ADA: variants seen among roughly 807,000 people sequenced by gnomAD.
ADA encodes adenosine aminohydrolase.
In ADA, 45 loss-of-function variants were observed where a neutral mutation model predicts 49.0. That is an observed-to-expected ratio of 0.92 (90% CI 0.72 to 1.18). The LOEUF (loss-of-function observed/expected upper bound fraction) is 1.18. Among genes scored for constraint, ADA ranks in the 50% most tolerant of loss-of-function variants. ADA has a pLI of 0.00. For missense variants in ADA, 445 were observed against 472.5 expected, an observed-to-expected ratio of 0.94 and a Z score of 0.54; for synonymous variants, 173 against 184.2, an observed-to-expected ratio of 0.94 and a Z score of 0.49.
chr20:44,639,706 C>T (rs1240747451), intron 1 of ADA, among the ~76,000 whole-genome samples: 1 of 152,098 alleles, frequency 6.6e-6, no homozygotes, highest in East Asian at 1.9e-4. Flanking sequence ...AACCATCGTG[C>T]CCAGCCAACT....
chr20:44,624,442 G>A, intron 5 of ADA, 113 bp from the exon 6 acceptor site: 2 of 1,432,484 alleles, frequency 1.4e-6, no homozygotes, highest in Non-Finnish European at 1.9e-6. Flanking sequence ...ACAAAACAGG[G>A]CTCAGTGTCT....
Position 44,619,760 on chromosome 20 carries a change from A to G in ADA, c.*74T>C. 1 of 1,577,670 alleles carries G rather than the reference A, an allele frequency of 6.3e-7. No individual in the cohort carries two copies. ...AGATCATGGTCTTCTTGGAAGGAATAAATGTAAAAATGTTGCTCAGCCCCA... is the reference window on the plus strand; with the variant it reads ...AGATCATGGTCTTCTTGGAAGGAATGAATGTAAAAATGTTGCTCAGCCCCA... On this transcript the variant is annotated 3_prime_UTR_variant, in exon 12 of 12. Coordinates refer to ENST00000372874, the MANE Select transcript of ADA (RefSeq NM_000022.4).
intron 2 of ADA, 39 bp downstream of exon 2, chr20:44,636,188 C>G: frequency 6.4e-7 from 1 of 1,573,500 alleles, no homozygotes. Flanking sequence ...GGACCCCACT[C>G]AAATCCCAGG....
intron 8 of ADA, 33 bp downstream of exon 8, chr20:44,622,796 G>C (rs780717460): frequency 6.9e-5 from 111 of 1,614,020 alleles, no homozygotes; most frequent in Non-Finnish European, 9.2e-5. Context: ...GGACAGCCGG[G>C]GATGGTTCCT....
Position 44,625,589 on chromosome 20 carries a change from C to A in ADA, c.458G>T (p.Cys153Phe), listed in dbSNP as rs371028908. ...DFGVKARSIL[C>F]CMRHQPNWSP... The stretch of plus-strand genomic sequence containing the variant: ...CTCACTGGGCTGGTGGCGCATGCAG[C>A]ACAGGATGGACCGGGCCTTGACCCC... Residue 153 changes from cysteine (C) to phenylalanine (F), a missense_variant, in exon 5 of 12, where the codon TGC becomes TTC. Coordinates refer to ENST00000372874, the MANE Select transcript of ADA (RefSeq NM_000022.4). 1.3e-6 allele frequency: 2 copies of A among 1,586,236 alleles called. No individual in the cohort carries two copies. The highest frequency in any genetic ancestry group is 2.3e-5 in the East Asian group (1 of 43,754).
At chr20:44,647,343 G>A (rs535129390) in intron 1 of ADA, among the ~76,000 whole-genome samples, 1 of 152,146 alleles carries the variant, frequency 6.6e-6, no homozygotes, top group Admixed American at 6.5e-5. Flanking sequence ...GGCTGAGGCA[G>A]AAGAATCACT....
intron 6 of ADA, chr20:44,623,838 C>A (rs1177834594): frequency 2.7e-6 from 1 of 372,252 alleles, no homozygotes; most frequent in Non-Finnish European, 5.4e-6. Flanking sequence ...GCTTTGACTT[C>A]CTGGACTCAA....
intron 5 of ADA, among the ~76,000 whole-genome samples, chr20:44,625,020 G>T (rs1334652185): frequency 6.6e-6 from 1 of 152,228 alleles, no homozygotes; most frequent in Non-Finnish European, 1.5e-5. Context: ...AATCCTGAGG[G>T]TAGAGGAATG....
intron 1 of ADA, among the ~76,000 whole-genome samples, chr20:44,639,013 G>A (rs990258895): frequency 4.6e-5 from 7 of 152,210 alleles, no homozygotes; most frequent in African/African-American, 1.7e-4. Flanking sequence ...AGGGTTCATG[G>A]TACTGGAGAG....
rs1357860118 is a variant in ADA at position 44,629,166 on chromosome 20, C to T, written c.99G>A (p.Arg33=). 2 of 1,614,204 alleles carry T rather than the reference C, an allele frequency of 1.2e-6. No homozygotes were observed. The highest frequency in any genetic ancestry group is 1.7e-6 in the Non-Finnish European group (2 of 1,180,032). The change falls in exon 3 of 12, where the codon AGG becomes AGA. Residue 33 remains arginine, a synonymous_variant. Coordinates refer to ENST00000372874, the MANE Select transcript of ADA (RefSeq NM_000022.4). The part of the protein sequence containing the change: ...KPETILYYGR[R]RGIALPANTA... ...TGTTAGCTGGGAGGGCGATCCCTCT[C>T]CTCCTGGAAACAAAACAGTGAGTGG...
intron 2 of ADA, 99 bp from the exon 3 acceptor site, chr20:44,629,268 C>T: frequency 6.5e-7 from 1 of 1,547,456 alleles, no homozygotes; most frequent in Non-Finnish European, 8.8e-7. Flanking sequence ...AGCCTCCTTG[C>T]AGGACCACAG....
intron 1 of ADA, among the ~76,000 whole-genome samples, chr20:44,642,229 G>A (rs2065542643): frequency 6.6e-6 from 1 of 152,222 alleles, no homozygotes; most frequent in Non-Finnish European, 1.5e-5. Context: ...GGGACAAGCA[G>A]TATGAGGTCA....
At position 44,641,676 on chromosome 20, in the gene ADA, G is replaced by A. The variant is rs559451017; in HGVS notation, c.34-5388C>T. Among the ~76,000 whole-genome samples, 12 of 152,264 alleles carry A rather than the reference G, an allele frequency of 7.9e-5. No individual in the cohort carries two copies. The East Asian group carries it at 1.5e-3, about 20-fold the overall frequency. On this transcript the variant is annotated intron_variant, in intron 1 of 11. Coordinates refer to ENST00000372874, the MANE Select transcript of ADA (RefSeq NM_000022.4). ...GGAGGATCAGGCAGTGAATGGGGGC[G>A]GTAGTCACGTCCGCTTGTGGGTGGG...
intron 11 of ADA, 144 bp from the exon 12 acceptor site, chr20:44,619,991 G>T: frequency 1.7e-6 from 2 of 1,176,854 alleles, no homozygotes; most frequent in Non-Finnish European, 2.5e-6. Flanking sequence ...TAGGAAGAAA[G>T]GAGCAGAACA....
At chr20:44,636,690 G>A (rs927491678) in intron 1 of ADA, among the ~76,000 whole-genome samples, 3 of 152,226 alleles carry the variant, frequency 2.0e-5, no homozygotes, top group Admixed American at 2.0e-4. Flanking sequence ...TCCAGGTCAC[G>A]TAGGCAGCTC....
rs2065386051 is a variant in ADA at position 44,626,713 on chromosome 20, C to T, written c.219-114G>A. On this transcript the variant is annotated intron_variant, in intron 3 of 11. Transcript: ENST00000372874. ...TTAAACCCACTTCATCCCCCAGACCCAAGCTCTGGGCATCCACTGGATAAG... is the reference window on the plus strand; with the variant it reads ...TTAAACCCACTTCATCCCCCAGACCTAAGCTCTGGGCATCCACTGGATAAG... The T allele has an allele frequency of 3.0e-6, 4 of 1,326,950 alleles. No homozygotes were observed. In the Admixed American group the frequency reaches 7.5e-5, roughly 25 times the overall value. The allele number at this position is 1,326,950 out of a possible 1,614,324, so 82.2% of individuals were successfully genotyped here. A position where few individuals can be genotyped will look rare whatever the true frequency, so the allele number is the denominator to read the frequency against.
At chr20:44,629,733 C>T (rs2065416322) in intron 2 of ADA, among the ~76,000 whole-genome samples, 1 of 152,274 alleles carries the variant, frequency 6.6e-6, no homozygotes, top group South Asian at 2.1e-4. Context: ...CCCAGTGGGC[C>T]GCCAGCCAGC....
intron 6 of ADA, chr20:44,623,875 G>T: frequency 2.5e-6 from 1 of 393,950 alleles, no homozygotes; most frequent in East Asian, 7.2e-5. Context: ...AGCCTCCCAA[G>T]TAGCTGGGAC....
intron 1 of ADA, among the ~76,000 whole-genome samples, chr20:44,647,609 A>G (rs2065604419): frequency 6.6e-6 from 1 of 151,902 alleles, no homozygotes; most frequent in Non-Finnish European, 1.5e-5. Flanking sequence ...CAAGTCGTCC[A>G]GAGGATTCCG....
Sources: gnomAD v4.1 joint callset for allele counts (sites outside exome capture counted in the v4.1 genomes callset) on GRCh38, gnomAD v4.1.1 for gene constraint, MANE v1.5 for transcripts, NCBI Gene and HGNC (gene_info 2026-07-23, HGNC 2026-07-21) for gene names.